DPP6: variants seen among roughly 807,000 people sequenced by gnomAD.
The protein encoded by DPP6 is A-type potassium channel modulatory protein DPP6.
In DPP6, 69 loss-of-function variants were observed where a neutral mutation model predicts 122.6. The observed-to-expected ratio is 0.56, with a 90% CI of 0.46 to 0.69. DPP6 has a LOEUF of 0.69. Among genes scored for constraint, DPP6 ranks in the 30% least tolerant of loss-of-function variants. The pLI is 0.00. For synonymous variants in DPP6, 418 were observed against 433.1 expected, an observed-to-expected ratio of 0.97 and a Z score of 0.43; for missense variants, 928 against 1,116.9, an observed-to-expected ratio of 0.83 and a Z score of 2.41.
chr7:153,921,324 C>T (rs1032177067), intron 1 of DPP6, among the ~76,000 whole-genome samples: 7 of 152,222 alleles, frequency 4.6e-5, no homozygotes, highest in African/African-American at 1.4e-4. Flanking sequence ...CTCAGCCCAG[C>T]CTGACTGATA....
chr7:154,438,278 T>C (rs1237683984), intron 1 of DPP6, among the ~76,000 whole-genome samples: 4 of 151,886 alleles, frequency 2.6e-5, no homozygotes, highest in East Asian at 1.9e-4. Flanking sequence ...CCATCCTGGC[T>C]GACACGGTGA....
intron 1 of DPP6, among the ~76,000 whole-genome samples, chr7:154,010,582 G>A (rs1468503492): frequency 6.6e-6 from 1 of 152,216 alleles, no homozygotes; most frequent in Non-Finnish European, 1.5e-5. Context: ...ATTAGGTTTT[G>A]TTCTCAGTGT....
At chr7:154,406,454 C>A (rs1816107595) in intron 1 of DPP6, among the ~76,000 whole-genome samples, 1 of 136,912 alleles carries the variant, frequency 7.3e-6, no homozygotes, top group Non-Finnish European at 1.5e-5. Context: ...CACACGCACA[C>A]ATGCACATGC....
intron 1 of DPP6, among the ~76,000 whole-genome samples, chr7:154,036,612 T>C (rs962437382): frequency 6.6e-6 from 1 of 151,830 alleles, no homozygotes; most frequent in Non-Finnish European, 1.5e-5. Flanking sequence ...CATCATACCC[T>C]GGGCATTATT....
intron 7 of DPP6, among the ~76,000 whole-genome samples, chr7:154,681,097 C>A (rs1468589882): frequency 1.3e-5 from 2 of 148,992 alleles, no homozygotes. Context: ...GAATACATTT[C>A]AAAAAAAAAA....
chr7:154,394,044 T>G (rs1181149551), intron 1 of DPP6, among the ~76,000 whole-genome samples: 8 of 152,234 alleles, frequency 5.3e-5, no homozygotes, highest in Non-Finnish European at 1.0e-4. Flanking sequence ...CATCCATTTA[T>G]CAGTTGATAG....
intron 1 of DPP6, among the ~76,000 whole-genome samples, chr7:154,320,126 T>C (rs1279729203): frequency 1.3e-5 from 2 of 152,016 alleles, no homozygotes; most frequent in African/African-American, 2.4e-5. Flanking sequence ...GTATTTTATT[T>C]AATCTAATAT....
intron 6 of DPP6, among the ~76,000 whole-genome samples, chr7:154,664,566 G>T (rs1838023160): frequency 6.6e-6 from 1 of 151,934 alleles, no homozygotes. Flanking sequence ...TTTGCTGAGA[G>T]CCACCTCTCG....
At chr7:154,817,041 G>A (rs905866109) in intron 16 of DPP6, among the ~76,000 whole-genome samples, 3 of 152,146 alleles carry the variant, frequency 2.0e-5, no homozygotes, top group Non-Finnish European at 4.4e-5. Flanking sequence ...GCCTTCAGGT[G>A]CCCGGAGCTC....
At chr7:154,458,760 C>G (rs1821022273) in intron 2 of DPP6, among the ~76,000 whole-genome samples, 1 of 152,180 alleles carries the variant, frequency 6.6e-6, no homozygotes, top group Non-Finnish European at 1.5e-5. Context: ...TGCTTAGAAG[C>G]CATGTGCCAG....
intron 1 of DPP6, among the ~76,000 whole-genome samples, chr7:153,903,683 C>T (rs546498504): frequency 7.9e-5 from 12 of 152,264 alleles, no homozygotes; most frequent in East Asian, 5.8e-4. Context: ...GAAGCTTATC[C>T]GATGTTTCCA....
intron 8 of DPP6, among the ~76,000 whole-genome samples, chr7:154,729,837 T>C (rs900671487): frequency 6.6e-6 from 1 of 152,214 alleles, no homozygotes; most frequent in East Asian, 1.9e-4. Flanking sequence ...TGAGATTTTA[T>C]TGTCACATGA....
the DPP6 span, among the ~76,000 whole-genome samples, chr7:153,846,585 A>AT: frequency 1.5e-4 from 21 of 142,630 alleles, no homozygotes; most frequent in South Asian, 2.2e-4. Context: ...CATGTATGTC[A>AT]TTTTTTTTTC....
At chr7:154,392,002 G>GA (rs1421081974) in intron 1 of DPP6, among the ~76,000 whole-genome samples, 7 of 152,144 alleles carry the variant, frequency 4.6e-5, no homozygotes, top group Admixed American at 3.3e-4. Context: ...GGCCGGGCGC[G>GA]GCGGCTCACA....
chr7:154,551,711 T>C (rs945385910), intron 4 of DPP6, among the ~76,000 whole-genome samples: 5 of 152,134 alleles, frequency 3.3e-5, no homozygotes, highest in Non-Finnish European at 7.4e-5. Flanking sequence ...AATTCATACA[T>C]TTCCCTCTTT....
chr7:154,879,459 G>A lies in DPP6; in HGVS notation c.2079-1429G>A, dbSNP rs1372696812. On this transcript the variant is annotated intron_variant, in intron 20 of 25. Transcript: ENST00000377770. The stretch of plus-strand genomic sequence containing the variant: ...CAAAAAATTAGCCGGGCGAGGTGGC[G>A]GGCACCTGTAGTCCCAGCTACTCGG... Among the ~76,000 whole-genome samples the A allele has an allele frequency of 5.2e-5, 7 of 134,912 alleles. 2 individuals carry two copies. The highest frequency in any genetic ancestry group is 9.1e-5 in the Non-Finnish European group (6 of 65,582). 88.5% of individuals were successfully genotyped at this position (134,912 alleles called of 152,430 possible).
intron 1 of DPP6, among the ~76,000 whole-genome samples, chr7:154,168,607 C>T (rs911775680): frequency 1.3e-5 from 2 of 152,158 alleles, no homozygotes; most frequent in Admixed American, 6.5e-5. Context: ...CATGAATCTT[C>T]CAAGTAAGTG....
chr7:153,749,087 A>G, the DPP6 span, among the ~76,000 whole-genome samples: 1 of 151,710 alleles, frequency 6.6e-6, no homozygotes, highest in Non-Finnish European at 1.5e-5. This position sits in a 1 kb window ranked among gnomAD's most constrained non-coding sequence, Gnocchi z 4.1. Context: ...GAGAGTGGAG[A>G]CTCCGGCAGG....
At chr7:154,492,067 A>G (rs1824323096) in intron 3 of DPP6, among the ~76,000 whole-genome samples, 1 of 152,216 alleles carries the variant, frequency 6.6e-6, no homozygotes, top group African/African-American at 2.4e-5. Flanking sequence ...TAAATATGAT[A>G]AAAGTGCTGC....
Sources: allele counts gnomAD v4.1 joint callset (sites outside exome capture counted in the v4.1 genomes callset), GRCh38; gene constraint gnomAD v4.1.1; non-coding constraint Gnocchi (gnomAD v3.1); transcripts MANE v1.5; gene names NCBI Gene and HGNC (gene_info 2026-07-23, HGNC 2026-07-21).